ANK3: variants seen among roughly 807,000 people sequenced by gnomAD.
ANK3 encodes ankyrin 3.
ANK3 carries 57 observed loss-of-function variants against 370.9 expected under a neutral mutation model. The observed-to-expected ratio is 0.15, with a 90% CI of 0.12 to 0.19. The LOEUF is 0.19. Among genes scored for constraint, ANK3 ranks in the 10% least tolerant of loss-of-function variants. ANK3 has a pLI of 1.00. For missense variants in ANK3, 4,439 were observed against 5,302.1 expected (o/e 0.84, Z 5.06); for synonymous variants, 1,929 against 1,946.3 (o/e 0.99, Z 0.23).
intron 1 of ANK3, among the ~76,000 whole-genome samples, chr10:60,385,921 G>A (rs1033143093): frequency 3.9e-5 from 6 of 152,092 alleles, no homozygotes; most frequent in Non-Finnish European, 7.4e-5. Context: ...CTGTTGAAAC[G>A]TATTTTATAG....
chr10:60,103,093 A>G (rs941765316), intron 28 of ANK3, among the ~76,000 whole-genome samples: 1 of 151,918 alleles, frequency 6.6e-6, no homozygotes, highest in African/African-American at 2.4e-5. Flanking sequence ...TGGGACTACA[A>G]GCACATGCCA....
intron 28 of ANK3, among the ~76,000 whole-genome samples, chr10:60,104,357 C>CAAAAAAAAAAAAAAAA (rs747064489): frequency 1.9e-5 from 1 of 53,758 alleles, no homozygotes; most frequent in Non-Finnish European, 3.4e-5. Context: ...GACTCCATCT[C>CAAAAAAAAAAAAAAAA]AAAAAAAAAA....
At chr10:60,437,291 TA>T (rs941230875) in intron 2 of ANK3, among the ~76,000 whole-genome samples, 10 of 151,316 alleles carry the variant, frequency 6.6e-5, no homozygotes, top group Non-Finnish European at 8.9e-5. Context: ...TATGAAGGAT[TA>T]AAAAAAAATT....
At chr10:60,287,927 A>G (rs1317227157) in intron 1 of ANK3, among the ~76,000 whole-genome samples, 1 of 152,258 alleles carries the variant, frequency 6.6e-6, no homozygotes, top group East Asian at 1.9e-4. Flanking sequence ...ACCATATCTC[A>G]TTTGTTCAAA....
At chr10:60,195,767 A>G (rs1489113988) in intron 16 of ANK3, among the ~76,000 whole-genome samples, 1 of 152,342 alleles carries the variant, frequency 6.6e-6, no homozygotes, top group Non-Finnish European at 1.5e-5. Context: ...TACTAAATGC[A>G]AATAAACAAC....
At chr10:60,725,333 C>G (rs2079926786) in intron 1 of ANK3, among the ~76,000 whole-genome samples, 1 of 151,882 alleles carries the variant, frequency 6.6e-6, no homozygotes, top group African/African-American at 2.4e-5. Flanking sequence ...CCCTCCACCA[C>G]TAATAACAGA....
intron 9 of ANK3, among the ~76,000 whole-genome samples, chr10:60,209,102 G>C (rs188764758): frequency 6.6e-6 from 1 of 152,192 alleles, no homozygotes. Context: ...AACAAGCTAT[G>C]AAGATGTCAG....
chr10:60,247,658 A>C (rs975449204), intron 7 of ANK3, among the ~76,000 whole-genome samples: 3 of 151,894 alleles, frequency 2.0e-5, no homozygotes, highest in African/African-American at 7.3e-5. Context: ...TCAGCATTTT[A>C]TTATTTTTTT....
At chr10:60,384,607 C>T (rs756667853) in intron 1 of ANK3, among the ~76,000 whole-genome samples, 34 of 152,330 alleles carry the variant, frequency 2.2e-4, no homozygotes, top group Non-Finnish European at 4.1e-4. Context: ...CAACTAGCTT[C>T]AAGGCTCAGC....
chr10:60,041,298 A>G (rs2076050432), intron 43 of ANK3, among the ~76,000 whole-genome samples: 1 of 152,200 alleles, frequency 6.6e-6, no homozygotes, highest in South Asian at 2.1e-4. Context: ...ACAGCCCAGA[A>G]TCCTTACAGG....
chr10:60,116,483 A>T (rs1352777807), intron 25 of ANK3, among the ~76,000 whole-genome samples: 1 of 152,196 alleles, frequency 6.6e-6, no homozygotes, highest in African/African-American at 2.4e-5. Context: ...ACAGAAGGAA[A>T]GCAAATTGCA....
intron 8 of ANK3, among the ~76,000 whole-genome samples, chr10:60,217,544 T>C (rs1038696994): frequency 2.0e-5 from 3 of 152,220 alleles, no homozygotes; most frequent in Admixed American, 6.5e-5. Context: ...GAGCAGGTTG[T>C]TCAATTTCCA....
intron 1 of ANK3, among the ~76,000 whole-genome samples, chr10:60,619,416 C>A (rs1408547366): frequency 6.6e-6 from 1 of 152,160 alleles, no homozygotes; most frequent in African/African-American, 2.4e-5. Flanking sequence ...TAAGTAGAAT[C>A]TGAATAAACA....
rs78328195 is a variant in ANK3, at chr10:60,609,671, C to T, written c.96+5515G>A. ...TTACACAATGCAGACTGCTTGAAAA[C>T]CACTGCACTGCATCAAAGAAATAAG... On this transcript the variant is annotated intron_variant, in intron 2 of 43. Coordinates refer to the ANK3 transcript ENST00000373827. 2.5e-3 allele frequency among the ~76,000 whole-genome samples: 382 copies of T among 152,004 alleles called. 2 individuals carry two copies. The highest frequency in any genetic ancestry group is 8.6e-3 in the African/African-American group (355 of 41,466).
chr10:60,027,219 A>C lies in ANK3; in HGVS notation c.*2627T>G, dbSNP rs2072444087. ...TCAAAGACTGAGTCAGAAATTCGTAACTCTTAGATAGGAAGTTAGGACACC... is the reference window on the plus strand; with the variant it reads ...TCAAAGACTGAGTCAGAAATTCGTACCTCTTAGATAGGAAGTTAGGACACC... On this transcript the variant is annotated 3_prime_UTR_variant, in exon 44 of 44. Coordinates refer to ENST00000280772, the MANE Select transcript of ANK3 (RefSeq NM_020987.5). 1 of 151,408 alleles carries C rather than the reference A, an allele frequency of 6.6e-6. No individual in the cohort carries two copies. Among genetic ancestry groups the C allele is most frequent in the Admixed American group, 6.6e-5 (1 of 15,176 alleles). 9.4% of individuals were successfully genotyped at this position (151,408 alleles called of 1,614,324 possible). A position where few individuals can be genotyped will look rare whatever the true frequency, so the allele number is the denominator to read the frequency against.
rs546712929 is a variant in ANK3 at position 60,314,548 on chromosome 10, CA to C, written c.115-34910del. Among the ~76,000 whole-genome samples the C allele has an allele frequency of 1.9e-3, 284 of 152,244 alleles. 2 individuals are homozygous for C. The highest frequency in any genetic ancestry group is 6.5e-3 in the African/African-American group (272 of 41,544). On this transcript the variant is annotated intron_variant, in intron 1 of 43. Transcript: ENST00000280772. ...GGGAATCTGTGTTATATGAGTAGTACATGACTCATCTGGAAAGAGGATAAGC... is the reference window on the plus strand; with the variant it reads ...GGGAATCTGTGTTATATGAGTAGTACTGACTCATCTGGAAAGAGGATAAGC...
At chr10:60,257,165 G>T (rs7090893) in intron 7 of ANK3, among the ~76,000 whole-genome samples, 16,229 of 152,118 alleles carry the variant, frequency 0.11, 1,129 homozygotes, top group Non-Finnish European at 0.16. Context: ...TAAAAACATT[G>T]CTCTCATTTT....
At chr10:60,491,113 T>C (rs2075489544) in intron 2 of ANK3, among the ~76,000 whole-genome samples, 1 of 152,250 alleles carries the variant, frequency 6.6e-6, no homozygotes. Flanking sequence ...TATCAGTTAT[T>C]CATTTCAATT....
intron 1 of ANK3, among the ~76,000 whole-genome samples, chr10:60,673,906 T>C (rs2079092594): frequency 6.6e-6 from 1 of 152,140 alleles, no homozygotes. Flanking sequence ...TTTGGTGGCA[T>C]AAGACGCACT....
Sources: allele counts gnomAD v4.1 joint callset (sites outside exome capture counted in the v4.1 genomes callset), GRCh38; gene constraint gnomAD v4.1.1; transcripts MANE v1.5; gene names NCBI Gene and HGNC (gene_info 2026-07-23, HGNC 2026-07-21).